Variants in CHN1 observed in about 807,000 individuals in gnomAD.
The protein encoded by CHN1 is N-chimaerin.
A neutral mutation model predicts 59.5 loss-of-function variants in CHN1; 37 were observed. The ratio of observed to expected loss-of-function variants is 0.62; its 90% CI spans 0.48 to 0.82. The LOEUF (loss-of-function observed/expected upper bound fraction) is 0.82, where lower values mean the gene tolerates loss of function less well. Ranked by LOEUF, CHN1 falls within the 40% of genes least tolerant of loss-of-function variation. CHN1 has a pLI of 0.00. For synonymous variants in CHN1, 206 were observed against 200.4 expected, an observed-to-expected ratio of 1.03 and a Z score of -0.24; for missense variants, 469 against 571.0, an observed-to-expected ratio of 0.82 and a Z score of 1.82.
Position 174,905,427 on chromosome 2 carries a change from A to G in CHN1, c.260+9631T>C, listed in dbSNP as rs10187409. ...TGCCTTAAAAATACAAAAGCCAAAA[A>G]TATCTTGAAATCAGCTTTTTGGCTT... is the stretch of plus-strand genomic sequence containing the variant. On this transcript the variant is annotated intron_variant, in intron 5 of 12. Coordinates refer to ENST00000409900, the MANE Select transcript of CHN1 (RefSeq NM_001822.7). 2.3e-3 allele frequency among the ~76,000 whole-genome samples: 349 copies of G among 152,330 alleles called. 4 individuals carry two copies. Among genetic ancestry groups the G allele is most frequent in the African/African-American group, 7.5e-3 (311 of 41,586 alleles).
At chr2:174,962,302 CAA>C (rs1294187484) in intron 1 of CHN1, among the ~76,000 whole-genome samples, 4 of 151,748 alleles carry the variant, frequency 2.6e-5, no homozygotes, top group Admixed American at 2.6e-4. Context: ...AACAAACAAA[CAA>C]AGAAGAAATA....
chr2:174,853,797 T>C (rs780563264), intron 6 of CHN1, among the ~76,000 whole-genome samples: 1 of 152,118 alleles, frequency 6.6e-6, no homozygotes. Flanking sequence ...TGCAGCAACA[T>C]GGACAGAGCT....
intron 6 of CHN1, among the ~76,000 whole-genome samples, chr2:174,870,306 G>A (rs991256367): frequency 1.3e-4 from 20 of 152,096 alleles, no homozygotes; most frequent in South Asian, 4.2e-4. Flanking sequence ...TAATGTCTAC[G>A]TTTAAGCATT....
At chr2:174,995,646 G>C (rs1691684909) in intron 1 of CHN1, among the ~76,000 whole-genome samples, 1 of 152,182 alleles carries the variant, frequency 6.6e-6, no homozygotes, top group Non-Finnish European at 1.5e-5. Context: ...TGGAGCGCAG[G>C]TGTTAATGCT....
intron 3 of CHN1, among the ~76,000 whole-genome samples, chr2:174,944,001 A>G (rs1352752652): frequency 6.6e-6 from 1 of 152,070 alleles, no homozygotes; most frequent in African/African-American, 2.4e-5. Context: ...TGAAAGAGGG[A>G]CCATACTTAC....
intron 6 of CHN1, among the ~76,000 whole-genome samples, chr2:174,853,572 T>C (rs1334650898): frequency 6.6e-6 from 1 of 152,170 alleles, no homozygotes; most frequent in Admixed American, 6.5e-5. Context: ...GAACTACCAT[T>C]CGACCCAGCA....
rs949534770 is a variant in CHN1 at position 174,907,120 on chromosome 2, A to G, written c.260+7938T>C. On this transcript the variant is annotated intron_variant, in intron 5 of 12. Coordinates refer to ENST00000409900, the MANE Select transcript of CHN1 (RefSeq NM_001822.7). ...TAGACAGACAACACGGGAAGACATT[A>G]ATCAGAAGGCTGCTTGGTGAGCATG... Among the ~76,000 whole-genome samples the G allele has an allele frequency of 4.6e-5, 7 of 152,286 alleles. No homozygotes were observed. In the East Asian group the frequency reaches 1.4e-3, roughly 29 times the overall value.
intron 1 of CHN1, among the ~76,000 whole-genome samples, chr2:175,003,106 A>T (rs1691940462): frequency 6.6e-6 from 1 of 152,218 alleles, no homozygotes; most frequent in Non-Finnish European, 1.5e-5. Context: ...CTACATTTTT[A>T]ATAGACATCC....
chr2:174,892,507 T>C (rs1324921625), intron 5 of CHN1, among the ~76,000 whole-genome samples: 3 of 152,210 alleles, frequency 2.0e-5, no homozygotes, highest in Non-Finnish European at 4.4e-5. Context: ...CAGATGCCAG[T>C]AGTATGAGAA....
intron 11 of CHN1, among the ~76,000 whole-genome samples, chr2:174,806,137 G>A (rs984346481): frequency 1.3e-5 from 2 of 152,138 alleles, no homozygotes; most frequent in African/African-American, 4.8e-5. Context: ...GGGGGAGGGA[G>A]TAAGGAAGGT....
Position 174,811,736 on chromosome 2 carries a change from G to T in CHN1, c.887-148C>A, listed in dbSNP as rs182584800. On this transcript the variant is annotated intron_variant, in intron 9 of 12. Coordinates refer to ENST00000409900, the MANE Select transcript of CHN1 (RefSeq NM_001822.7). ...TCACACTCTTCTCCTAGAATAAAAC[G>T]ATTTCACACACAGTTCTTTAACTCT... The T allele has an allele frequency of 7.1e-4, 389 of 549,818 alleles. 1 individual carries two copies. Among genetic ancestry groups the T allele is most frequent in the South Asian group, 1.2e-3 (42 of 33,956 alleles). The allele number at this position is 549,818 out of a possible 1,614,324, so 34.1% of individuals were successfully genotyped here. A position where few individuals can be genotyped will look rare whatever the true frequency, so the allele number is the denominator to read the frequency against.
intron 2 of CHN1, among the ~76,000 whole-genome samples, chr2:174,946,844 A>C (rs1316713903): frequency 6.7e-6 from 1 of 149,142 alleles, no homozygotes; most frequent in Non-Finnish European, 1.5e-5. Context: ...TGGGAGGATC[A>C]TTTGAGCTCA....
chr2:174,928,053 A>G (rs1026283309), intron 3 of CHN1, among the ~76,000 whole-genome samples: 1 of 152,132 alleles, frequency 6.6e-6, no homozygotes, highest in African/African-American at 2.4e-5. Flanking sequence ...GGGGAAAAGG[A>G]GAACAATATG....
At chr2:174,849,088 G>T (rs1410932807) in intron 6 of CHN1, among the ~76,000 whole-genome samples, 4 of 152,088 alleles carry the variant, frequency 2.6e-5, no homozygotes, top group Non-Finnish European at 5.9e-5. Flanking sequence ...AACAATATTT[G>T]ATATCAAGTT....
At chr2:174,869,070 T>C (rs1687318410) in intron 6 of CHN1, among the ~76,000 whole-genome samples, 1 of 152,116 alleles carries the variant, frequency 6.6e-6, no homozygotes, top group Non-Finnish European at 1.5e-5. Flanking sequence ...TAGTCAATGA[T>C]TAAAGGAGGG....
Position 174,812,384 on chromosome 2 carries a change from T to C in CHN1, c.811A>G (p.Thr271Ala). The C allele has an allele frequency of 6.2e-7, 1 of 1,613,992 alleles. No individual in the cohort carries two copies. The highest frequency in any genetic ancestry group is 8.5e-7 in the Non-Finnish European group (1 of 1,179,866). ...HVKKVYSCDL[T>A]TLVKAHTTKR... is the part of the protein sequence containing the mutation. ...GTGGTATGTGCTTTCACGAGCGTCG[T>C]AAGGTCACAGCTGTACACCTTTTTG... The change falls in exon 9 of 13, where the codon ACG becomes GCG. Residue 271 changes from threonine to alanine, a missense_variant. Thr to Ala is a moderately conservative substitution (Grantham distance 58). Transcript: ENST00000409900.
chr2:174,978,255 G>A (rs553978426), intron 1 of CHN1, among the ~76,000 whole-genome samples: 20 of 152,154 alleles, frequency 1.3e-4, no homozygotes, highest in African/African-American at 4.6e-4. Flanking sequence ...CACTCCTCTA[G>A]GTTTTAAAAA....
intron 5 of CHN1, among the ~76,000 whole-genome samples, chr2:174,900,366 C>T (rs1295835770): frequency 2.0e-5 from 3 of 151,978 alleles, no homozygotes; most frequent in African/African-American, 4.8e-5. Flanking sequence ...TAGCCAGGTG[C>T]GGTGATATGT....
intron 6 of CHN1, among the ~76,000 whole-genome samples, chr2:174,853,520 C>T (rs368975474): frequency 4.6e-5 from 7 of 152,268 alleles, no homozygotes; most frequent in African/African-American, 1.4e-4. Flanking sequence ...AGCTCAGCCA[C>T]TGTGGAAAGC....
Sources: allele counts gnomAD v4.1 joint callset (sites outside exome capture counted in the v4.1 genomes callset), GRCh38; gene constraint gnomAD v4.1.1; transcripts MANE v1.5; gene names NCBI Gene and HGNC (gene_info 2026-07-23, HGNC 2026-07-21).